Variants in PDE4D observed in about 807,000 individuals in gnomAD.
PDE4D encodes the protein 3',5'-cyclic-AMP phosphodiesterase 4D.
In PDE4D, 24 loss-of-function variants were observed where a neutral mutation model predicts 87.4. The ratio of observed to expected loss-of-function variants is 0.27; its 90% confidence interval spans 0.20 to 0.39. The LOEUF (loss-of-function observed/expected upper bound fraction) is 0.39. Ranked by LOEUF, PDE4D falls within the 10% of genes least tolerant of loss-of-function variation. The probability of loss-of-function intolerance (pLI) is 1.00; values close to 1 mark genes in which losing one functional copy is unlikely to be tolerated. For missense variants in PDE4D, 714 were observed against 1,041.0 expected, an observed-to-expected ratio of 0.69 and a Z score of 4.32; for synonymous variants, 384 against 383.2, an observed-to-expected ratio of 1.00 and a Z score of -0.02.
intron 3 of PDE4D, among the ~76,000 whole-genome samples, chr5:59,902,045 G>A (rs1484189660): frequency 2.6e-5 from 4 of 151,682 alleles, no homozygotes; most frequent in Admixed American, 2.6e-4. Flanking sequence ...CAAACTAAGT[G>A]TTTAGCAGGA....
intron 2 of PDE4D, among the ~76,000 whole-genome samples, chr5:60,128,702 T>C (rs1003435373): frequency 2.6e-5 from 4 of 152,220 alleles, no homozygotes; most frequent in African/African-American, 2.4e-5. Flanking sequence ...TAGTATTAAC[T>C]ACTCTAACTG....
chr5:59,438,104 C>G (rs1197912749), intron 1 of PDE4D, among the ~76,000 whole-genome samples: 1 of 152,092 alleles, frequency 6.6e-6, no homozygotes, highest in African/African-American at 2.4e-5. Context: ...GTCCCTCCCA[C>G]AACACATGGG....
At chr5:60,362,754 G>A (rs189907487) in intron 1 of PDE4D, among the ~76,000 whole-genome samples, 6 of 152,018 alleles carry the variant, frequency 3.9e-5, no homozygotes, top group Admixed American at 3.9e-4. Flanking sequence ...AGCTACTCAG[G>A]AGGCTGAGGC....
intron 1 of PDE4D, among the ~76,000 whole-genome samples, chr5:59,301,873 G>A (rs531204675): frequency 3.4e-4 from 51 of 152,152 alleles, no homozygotes; most frequent in Admixed American, 1.1e-3. Context: ...GCACCAAGAA[G>A]GGGAAAATTT....
At chr5:60,270,163 G>T (rs1351496287) in intron 1 of PDE4D, among the ~76,000 whole-genome samples, 1 of 152,158 alleles carries the variant, frequency 6.6e-6, no homozygotes, top group Non-Finnish European at 1.5e-5. Flanking sequence ...GAGATAGGAA[G>T]GTGAAGAGTC....
chr5:59,689,006 C>T (rs1435272326), intron 1 of PDE4D, among the ~76,000 whole-genome samples: 4 of 152,144 alleles, frequency 2.6e-5, no homozygotes, highest in African/African-American at 9.7e-5. Flanking sequence ...TACACCCTCC[C>T]AAGACTAAAC....
rs144616123 is a variant in PDE4D at position 59,326,888 on chromosome 5, A to G, written c.456-110920T>C. On this transcript the variant is annotated intron_variant, in intron 1 of 14. Coordinates refer to ENST00000340635, the MANE Select transcript of PDE4D (RefSeq NM_001104631.2). Reference sequence around the variant, plus strand: ...TTCGCATATATTTAATGACTTCATCATTTCCCCAATAGATTCCAAAGCCAG... The same window carrying G: ...TTCGCATATATTTAATGACTTCATCGTTTCCCCAATAGATTCCAAAGCCAG... Among the ~76,000 whole-genome samples, 702 of 152,268 alleles carry G rather than the reference A, an allele frequency of 4.6e-3. 4 individuals are homozygous for G. Among genetic ancestry groups the G allele is most frequent in the South Asian group, 0.02 (95 of 4,828 alleles).
chr5:59,449,003 T>A (rs1033713327), intron 1 of PDE4D, among the ~76,000 whole-genome samples: 2 of 152,162 alleles, frequency 1.3e-5, no homozygotes, highest in Non-Finnish European at 2.9e-5. Flanking sequence ...CTGCCTCCCA[T>A]CCACATGTTG....
intron 1 of PDE4D, among the ~76,000 whole-genome samples, chr5:59,245,620 C>G (rs1758696484): frequency 6.6e-6 from 1 of 152,096 alleles, no homozygotes; most frequent in South Asian, 2.1e-4. Flanking sequence ...CAAACCCAGC[C>G]TCATAAAAAC....
At chr5:59,039,693 C>T (rs997318115) in intron 5 of PDE4D, 11 of 203,638 alleles carry the variant, frequency 5.4e-5, no homozygotes, top group Non-Finnish European at 7.8e-5. Flanking sequence ...TGCCACCCGC[C>T]GCGTCCTTCC....
intron 5 of PDE4D, among the ~76,000 whole-genome samples, chr5:59,096,656 G>A (rs1436138949): frequency 6.6e-6 from 1 of 152,138 alleles, no homozygotes; most frequent in Non-Finnish European, 1.5e-5. Context: ...ATAGAGCAGA[G>A]AATGAAGCCA....
rs367943346 is a variant in PDE4D, at chr5:59,216,143, G to C, written c.456-175C>G. Among the ~76,000 whole-genome samples the C allele has an allele frequency of 5.3e-5, 8 of 152,242 alleles. No individual in the cohort carries two copies. The East Asian group carries it at 9.7e-4, about 18-fold the overall frequency. On this transcript the variant is annotated intron_variant, in intron 1 of 14. Transcript: ENST00000340635. The stretch of plus-strand genomic sequence containing the variant: ...GAAATACATAAAAGAAAAACACATT[G>C]ACTTCACATTCTTGTTCTCCTGGAT...
chr5:60,148,016 C>G (rs1020946124), intron 2 of PDE4D: 1 of 247,238 alleles, frequency 4.0e-6, no homozygotes, highest in Non-Finnish European at 8.3e-6. Flanking sequence ...GGAGATGACC[C>G]AAAAATCTGA....
intron 5 of PDE4D, among the ~76,000 whole-genome samples, chr5:59,104,036 G>A (rs919304090): frequency 6.7e-6 from 1 of 149,648 alleles, no homozygotes; most frequent in Non-Finnish European, 1.5e-5. Context: ...ATATATGTTC[G>A]AGACTATATA....
chr5:59,561,963 A>G (rs159197), intron 1 of PDE4D, among the ~76,000 whole-genome samples: 131,253 of 151,556 alleles, frequency 0.87, 56,927 homozygotes, highest in South Asian at 0.93. Context: ...TAAAATGTAG[A>G]TTAACTCCTG....
chr5:60,371,712 T>A (rs952781372), intron 1 of PDE4D, among the ~76,000 whole-genome samples: 1 of 152,192 alleles, frequency 6.6e-6, no homozygotes, highest in African/African-American at 2.4e-5. Flanking sequence ...CCATTCTGAC[T>A]TCTAACACCA....
chr5:60,247,629 G>C (rs2149675548), intron 1 of PDE4D, among the ~76,000 whole-genome samples: 1 of 151,976 alleles, frequency 6.6e-6, no homozygotes, highest in East Asian at 1.9e-4. Context: ...ACTTTACATG[G>C]ATCCAAATAA....
intron 2 of PDE4D, among the ~76,000 whole-genome samples, chr5:60,016,753 C>G (rs1765559489): frequency 6.6e-6 from 1 of 152,182 alleles, no homozygotes; most frequent in Non-Finnish European, 1.5e-5. Flanking sequence ...AATTCAGCCA[C>G]TTCTGCAGTT....
At chr5:59,859,777 G>A (rs923980713) in intron 1 of PDE4D, among the ~76,000 whole-genome samples, 16 of 152,144 alleles carry the variant, frequency 1.1e-4, no homozygotes, top group African/African-American at 3.9e-4. Context: ...GTGGTACTTG[G>A]AGCCCAAGGT....
Sources: gnomAD v4.1 joint callset for allele counts (sites outside exome capture counted in the v4.1 genomes callset) on GRCh38, gnomAD v4.1.1 for gene constraint, MANE v1.5 for transcripts, NCBI Gene and HGNC (gene_info 2026-07-23, HGNC 2026-07-21) for gene names.